DISC1: variants seen among roughly 807,000 people sequenced by gnomAD.
DISC1 encodes the protein DISC1 scaffold protein, also known as disrupted in schizophrenia 1 protein.
A neutral mutation model predicts 84.5 loss-of-function variants in DISC1; 57 were observed. The ratio of observed to expected loss-of-function variants is 0.67; its 90% CI spans 0.55 to 0.84. The LOEUF (loss-of-function observed/expected upper bound fraction) is 0.84, where lower values mean the gene tolerates loss of function less well. Among genes scored for constraint, DISC1 ranks in the 40% least tolerant of loss-of-function variants. The probability of loss-of-function intolerance (pLI) is 0.00; values close to 1 mark genes in which losing one functional copy is unlikely to be tolerated. For synonymous variants in DISC1, 411 were observed against 415.2 expected, an observed-to-expected ratio of 0.99 and a Z score of 0.12; for missense variants, 1,000 against 1,057.8, an observed-to-expected ratio of 0.95 and a Z score of 0.76.
chr1:231,866,678 A>G (rs2085086499), intron 9 of DISC1: 5 of 1,427,420 alleles, frequency 3.5e-6, no homozygotes, highest in African/African-American at 1.4e-5. Context: ...TTGAAGAGAC[A>G]TGATGTCACA....
At chr1:232,026,755 CTTTTTTCTTTTT>C (rs1367948435) in intron 12 of DISC1, among the ~76,000 whole-genome samples, 154 of 120,410 alleles carry the variant, frequency 1.3e-3, no homozygotes, top group Admixed American at 2.2e-3. Flanking sequence ...TATTTTTTTT[CTTTTTTCTTTTT>C]TTTTTTTTTT....
chr1:231,989,534 C>T (rs530486981), intron 10 of DISC1, among the ~76,000 whole-genome samples: 4 of 152,304 alleles, frequency 2.6e-5, no homozygotes, highest in Admixed American at 2.6e-4. Context: ...GTACAGAATG[C>T]TATTTTGCTA....
At chr1:231,853,241 T>C (rs2084023704) in intron 9 of DISC1, among the ~76,000 whole-genome samples, 1 of 152,172 alleles carries the variant, frequency 6.6e-6, no homozygotes, top group Non-Finnish European at 1.5e-5. Flanking sequence ...AACAAAATAA[T>C]CAAATACAGT....
intron 9 of DISC1, among the ~76,000 whole-genome samples, chr1:231,926,791 A>C (rs932620855): frequency 6.6e-6 from 1 of 152,242 alleles, no homozygotes; most frequent in African/African-American, 2.4e-5. Flanking sequence ...ACTAAATCTA[A>C]GGACTAAAAG....
chr1:231,975,809 CGAT>C (rs1558799565), intron 10 of DISC1, among the ~76,000 whole-genome samples: 1 of 151,846 alleles, frequency 6.6e-6, no homozygotes, highest in Non-Finnish European at 1.5e-5. Flanking sequence ...GAATGATAGA[CGAT>C]GGAGATTTGG....
At chr1:231,960,078 C>A (rs1660172972) in intron 10 of DISC1, among the ~76,000 whole-genome samples, 1 of 152,060 alleles carries the variant, frequency 6.6e-6, no homozygotes, top group Non-Finnish European at 1.5e-5. Flanking sequence ...AACTGCCTAA[C>A]CTTAGGTAAG....
At chr1:231,751,317 T>C (rs1573514159) in intron 4 of DISC1, among the ~76,000 whole-genome samples, 1 of 152,234 alleles carries the variant, frequency 6.6e-6, no homozygotes, top group Admixed American at 6.5e-5. Context: ...GGCACAAAGA[T>C]TGAGGCACAA....
chr1:231,722,976 C>T (rs199772062), intron 3 of DISC1: 344 of 1,166,464 alleles, frequency 2.9e-4, no homozygotes, highest in Admixed American at 7.1e-4. Context: ...ATGTCAGTTA[C>T]GGGAATTAAA....
At chr1:231,803,256 G>A (rs547600965) in intron 8 of DISC1, among the ~76,000 whole-genome samples, 1 of 152,294 alleles carries the variant, frequency 6.6e-6, no homozygotes, top group East Asian at 1.9e-4. Flanking sequence ...CCAAGAGCAA[G>A]TGTCCCAAGA....
At chr1:232,007,504 G>A (rs115059191) in intron 10 of DISC1, among the ~76,000 whole-genome samples, 359 of 152,288 alleles carry the variant, frequency 2.4e-3, no homozygotes, top group Non-Finnish European at 3.5e-3. Flanking sequence ...TTGGAGTTGC[G>A]TGGGGCCTGT....
intron 1 of DISC1, among the ~76,000 whole-genome samples, chr1:231,636,239 G>C (rs541208119): frequency 2.1e-4 from 32 of 152,158 alleles, no homozygotes; most frequent in Non-Finnish European, 3.4e-4. Context: ...TTGTGATGTT[G>C]CTTTTGCTTA....
chr1:231,681,229 A>G (rs1553305759), intron 1 of DISC1, among the ~76,000 whole-genome samples: 1 of 152,184 alleles, frequency 6.6e-6, no homozygotes, highest in Non-Finnish European at 1.5e-5. Context: ...ACCCTTCCAC[A>G]TGGTTTATGA....
chr1:231,972,078 G>A (rs995712434), intron 10 of DISC1, among the ~76,000 whole-genome samples: 1 of 152,082 alleles, frequency 6.6e-6, no homozygotes, highest in African/African-American at 2.4e-5. Flanking sequence ...CGGTAATTAC[G>A]CTGCCCGGTC....
rs368955556 is a variant in DISC1 at position 231,673,415 on chromosome 1, C to T, written c.68-20411C>T. On this transcript the variant is annotated intron_variant, in intron 1 of 12. Coordinates refer to ENST00000439617, the MANE Select transcript of DISC1 (RefSeq NM_018662.3). ...TCATAATGCACTATACCCTTGAACT[C>T]CTGGGCTCAAGGAGGCTGGGCTACT... 2.0e-5 allele frequency among the ~76,000 whole-genome samples: 3 copies of T among 152,056 alleles called. No individual in the cohort carries two copies. The South Asian group carries it at 6.2e-4, about 32-fold the overall frequency.
intron 9 of DISC1, among the ~76,000 whole-genome samples, chr1:231,820,687 C>T (rs1374919520): frequency 6.6e-6 from 1 of 152,108 alleles, no homozygotes; most frequent in East Asian, 1.9e-4. Context: ...TGTCCAAGTC[C>T]AGTCAGAAAA....
intron 5 of DISC1, among the ~76,000 whole-genome samples, chr1:231,767,912 T>G (rs1033666734): frequency 2.6e-5 from 4 of 152,234 alleles, no homozygotes; most frequent in Non-Finnish European, 5.9e-5. Context: ...TGAAAATCCT[T>G]TATGGAAATT....
chr1:231,754,657 T>C (rs1385589141), intron 4 of DISC1, among the ~76,000 whole-genome samples: 1 of 152,204 alleles, frequency 6.6e-6, no homozygotes, highest in Non-Finnish European at 1.5e-5. Context: ...GCTTTTATTC[T>C]GGTCTTGCCT....
intron 9 of DISC1, among the ~76,000 whole-genome samples, chr1:231,912,805 C>G (rs12731359): frequency 8.3e-6 from 1 of 120,914 alleles, no homozygotes; most frequent in Non-Finnish European, 1.8e-5. Context: ...TTCTTTCTTT[C>G]TTTTTCTTTC....
At chr1:232,015,370 T>A (rs1453623821) in intron 11 of DISC1, among the ~76,000 whole-genome samples, 1 of 152,108 alleles carries the variant, frequency 6.6e-6, no homozygotes, top group Non-Finnish European at 1.5e-5. Flanking sequence ...CCTTGGAAAT[T>A]CCTTGTCATT....
Sources: gnomAD v4.1 joint callset for allele counts (sites outside exome capture counted in the v4.1 genomes callset) on GRCh38, gnomAD v4.1.1 for gene constraint, MANE v1.5 for transcripts, NCBI Gene and HGNC (gene_info 2026-07-23, HGNC 2026-07-21) for gene names.